The following PDE4D variants were observed in gnomAD, a reference collection of about 807,000 sequenced individuals.
PDE4D encodes 3',5'-cyclic-AMP phosphodiesterase 4D.
PDE4D carries 24 observed loss-of-function variants against 87.4 expected under a neutral mutation model. The ratio of observed to expected loss-of-function variants is 0.27; its 90% CI spans 0.20 to 0.39. The LOEUF (loss-of-function observed/expected upper bound fraction) is 0.39, where lower values mean the gene tolerates loss of function less well. Ranked by LOEUF, PDE4D falls within the 10% of genes least tolerant of loss-of-function variation. PDE4D has a pLI of 1.00. For synonymous variants in PDE4D, 384 were observed against 383.2 expected, an observed-to-expected ratio of 1.00 and a Z score of -0.02; for missense variants, 714 against 1,041.0, an observed-to-expected ratio of 0.69 and a Z score of 4.32.
intron 1 of PDE4D, among the ~76,000 whole-genome samples, chr5:60,444,088 A>T (rs1477459651): frequency 2.0e-5 from 3 of 152,082 alleles, no homozygotes; most frequent in Non-Finnish European, 2.9e-5. Flanking sequence ...TAAACACCCC[A>T]GGAAATTTAG....
chr5:60,465,379 A>G, intron 1 of PDE4D, among the ~76,000 whole-genome samples: 1 of 152,178 alleles, frequency 6.6e-6, no homozygotes, highest in Non-Finnish European at 1.5e-5. Context: ...AAAACATAAG[A>G]CATAACATAC....
intron 1 of PDE4D, among the ~76,000 whole-genome samples, chr5:59,285,211 A>AT (rs1766679593): frequency 8.4e-6 from 1 of 119,188 alleles, no homozygotes; most frequent in African/African-American, 4.5e-5. Context: ...TTAAAGTATA[A>AT]TAAAAAAAAA....
chr5:59,160,733 T>G (rs1255076678), intron 5 of PDE4D, among the ~76,000 whole-genome samples: 1 of 152,160 alleles, frequency 6.6e-6, no homozygotes, highest in African/African-American at 2.4e-5. Flanking sequence ...ATTATATCCT[T>G]CAATGGAACT....
chr5:59,504,984 G>C (rs1005894317), intron 1 of PDE4D, among the ~76,000 whole-genome samples: 22 of 151,902 alleles, frequency 1.4e-4, no homozygotes, highest in Admixed American at 3.9e-4. Flanking sequence ...AAGTGAGAGA[G>C]AGAGAAGTGT....
intron 1 of PDE4D, among the ~76,000 whole-genome samples, chr5:60,484,049 T>A (rs907395735): frequency 1.3e-5 from 2 of 152,282 alleles, no homozygotes; most frequent in South Asian, 4.1e-4. Context: ...TGCTAATTGA[T>A]CTTTCAAATC....
intron 1 of PDE4D, among the ~76,000 whole-genome samples, chr5:59,540,149 T>C (rs1816054732): frequency 1.3e-5 from 2 of 152,188 alleles, no homozygotes; most frequent in African/African-American, 4.8e-5. Context: ...CGCTTTGAGA[T>C]GTGACTTATA....
rs560538308 is a variant in PDE4D at position 59,868,151 on chromosome 5, G to C, written c.455+25017C>G. On this transcript the variant is annotated intron_variant, in intron 1 of 14. Transcript: ENST00000340635. ...ATCTGGGTATCAGAATCTCTTTATA[G>C]TCTTAAAAATTATTGAAGACTCACA... Among the ~76,000 whole-genome samples, 11 of 152,186 alleles carry C rather than the reference G, an allele frequency of 7.2e-5. No individual in the cohort carries two copies. In the South Asian group the frequency reaches 2.3e-3, roughly 32 times the overall value.
At chr5:60,113,069 C>T (rs1050965982) in intron 2 of PDE4D, among the ~76,000 whole-genome samples, 1 of 152,004 alleles carries the variant, frequency 6.6e-6, no homozygotes, top group Non-Finnish European at 1.5e-5. Flanking sequence ...AAAGTCCAGT[C>T]ATGTACTTTT....
chr5:59,892,250 T>G (rs1197236711), intron 1 of PDE4D, among the ~76,000 whole-genome samples: 2 of 152,230 alleles, frequency 1.3e-5, no homozygotes, highest in African/African-American at 4.8e-5. Flanking sequence ...ACTCATTTCC[T>G]TGGAGAAGCA....
intron 1 of PDE4D, among the ~76,000 whole-genome samples, chr5:59,736,601 C>T (rs999285056): frequency 4.0e-5 from 6 of 151,896 alleles, no homozygotes; most frequent in Non-Finnish European, 5.9e-5. Flanking sequence ...ATTGCTTGAA[C>T]CCGGGAGGCA....
chr5:59,645,705 A>T (rs922743611), intron 1 of PDE4D, among the ~76,000 whole-genome samples: 8 of 152,310 alleles, frequency 5.3e-5, no homozygotes, highest in African/African-American at 1.9e-4. Context: ...TGTGGAGTGA[A>T]GGAGACACAA....
intron 2 of PDE4D, among the ~76,000 whole-genome samples, chr5:60,072,130 CCCA>C (rs1250060262): frequency 6.6e-6 from 1 of 152,118 alleles, no homozygotes; most frequent in African/African-American, 2.4e-5. Context: ...AATTTACATT[CCCA>C]CCAACAGTGT....
chr5:60,106,066 T>C (rs1032296796), intron 2 of PDE4D, among the ~76,000 whole-genome samples: 1 of 151,886 alleles, frequency 6.6e-6, no homozygotes. Context: ...GACTGGCAAA[T>C]TGGATAAAGG....
At position 59,142,503 on chromosome 5, in the gene PDE4D, G is replaced by A. The variant is rs542740903; in HGVS notation, c.808+38092C>T. Among the ~76,000 whole-genome samples, 5 of 152,334 alleles carry A rather than the reference G, an allele frequency of 3.3e-5. No homozygotes were observed. In the South Asian group the frequency reaches 1.0e-3, roughly 32 times the overall value. On this transcript the variant is annotated intron_variant, in intron 5 of 14. Coordinates refer to ENST00000340635, the MANE Select transcript of PDE4D (RefSeq NM_001104631.2). ...CCTTATACAGTTTTATTCTGGAAAA[G>A]TTGACTTCAAGCAATTATTGATTGG...
chr5:60,078,662 T>C (rs1314845647), intron 2 of PDE4D, among the ~76,000 whole-genome samples: 1 of 152,190 alleles, frequency 6.6e-6, no homozygotes, highest in Non-Finnish European at 1.5e-5. Flanking sequence ...CCAGTGTTAG[T>C]TTCTGAGGAT....
At chr5:60,303,869 ATCTG>A (rs1250931645) in intron 1 of PDE4D, among the ~76,000 whole-genome samples, 1 of 152,180 alleles carries the variant, frequency 6.6e-6, no homozygotes, top group African/African-American at 2.4e-5. Flanking sequence ...TGTCTCAATG[ATCTG>A]TCTAATATTG....
chr5:60,357,387 G>GT (rs1426066000), intron 1 of PDE4D, among the ~76,000 whole-genome samples: 1 of 149,056 alleles, frequency 6.7e-6, no homozygotes, highest in Non-Finnish European at 1.5e-5. Context: ...AGTTGTCTTT[G>GT]TAAAAAAAAA....
intron 6 of PDE4D, among the ~76,000 whole-genome samples, chr5:59,036,775 A>C (rs1343856863): frequency 6.6e-6 from 1 of 152,244 alleles, no homozygotes; most frequent in Non-Finnish European, 1.5e-5. Flanking sequence ...AGCTAAGTTT[A>C]ATGTTAAAAA....
intron 1 of PDE4D, among the ~76,000 whole-genome samples, chr5:59,468,028 ATC>A: frequency 6.6e-6 from 1 of 152,314 alleles, no homozygotes; most frequent in South Asian, 2.1e-4. Context: ...GCATGTGCAC[ATC>A]TGTTTCCATT....
Sources: gnomAD v4.1 joint callset for allele counts (sites outside exome capture counted in the v4.1 genomes callset) on GRCh38, gnomAD v4.1.1 for gene constraint, MANE v1.5 for transcripts, NCBI Gene and HGNC (gene_info 2026-07-23, HGNC 2026-07-21) for gene names.